Variants in CADM2 observed in about 807,000 individuals in gnomAD.
CADM2 encodes the protein cell adhesion molecule 2, also known as immunoglobulin superfamily member 4D.
Under a neutral mutation model 49.8 loss-of-function variants are expected in CADM2, and 12 were observed. The ratio of observed to expected loss-of-function variants is 0.24; its 90% confidence interval spans 0.15 to 0.39. The LOEUF (loss-of-function observed/expected upper bound fraction) is 0.39, where lower values mean the gene tolerates loss of function less well. Ranked by LOEUF, CADM2 falls within the 10% of genes least tolerant of loss-of-function variation. The pLI is 1.00. For synonymous variants in CADM2, 214 were observed against 175.4 expected, an observed-to-expected ratio of 1.22 and a Z score of -1.74; for missense variants, 378 against 492.3, an observed-to-expected ratio of 0.77 and a Z score of 2.20.
chr3:85,819,169 T>C (rs1351665877), intron 3 of CADM2, among the ~76,000 whole-genome samples: 2 of 152,192 alleles, frequency 1.3e-5, no homozygotes, highest in African/African-American at 4.8e-5. Context: ...GCATTCCGCA[T>C]GGGAAGAAGA....
At chr3:85,474,277 C>G (rs1026015067) in intron 1 of CADM2, among the ~76,000 whole-genome samples, 1 of 151,604 alleles carries the variant, frequency 6.6e-6, no homozygotes, top group African/African-American at 2.4e-5. Context: ...AGGCTAGAGA[C>G]CTAGGTAAGT....
chr3:85,589,925 T>C (rs1052949156), intron 1 of CADM2, among the ~76,000 whole-genome samples: 12 of 151,956 alleles, frequency 7.9e-5, no homozygotes, highest in African/African-American at 2.9e-4. Context: ...AAAATGCCAA[T>C]TGGTTAACCA....
chr3:86,038,496 A>G (rs891534973), intron 8 of CADM2, among the ~76,000 whole-genome samples: 18 of 152,168 alleles, frequency 1.2e-4, no homozygotes, highest in Non-Finnish European at 2.4e-4. Flanking sequence ...CTTGTTTGCT[A>G]ACTCCTTCGA....
chr3:85,080,043 C>T (rs1217092928), intron 1 of CADM2, among the ~76,000 whole-genome samples: 1 of 151,910 alleles, frequency 6.6e-6, no homozygotes, highest in Non-Finnish European at 1.5e-5. Flanking sequence ...AGAAAAAAAA[C>T]TTCTTAAATA....
At chr3:85,485,863 T>C (rs2039394190) in intron 1 of CADM2, among the ~76,000 whole-genome samples, 2 of 152,074 alleles carry the variant, frequency 1.3e-5, no homozygotes, top group African/African-American at 4.8e-5. Flanking sequence ...AAAAAGATGA[T>C]GAGTATGTGG....
intron 1 of CADM2, among the ~76,000 whole-genome samples, chr3:85,204,156 T>C (rs1203058654): frequency 6.6e-6 from 1 of 152,224 alleles, no homozygotes; most frequent in Non-Finnish European, 1.5e-5. Context: ...TTTCATTGTT[T>C]TTAAAAATTT....
At chr3:85,361,908 A>G (rs1192632570) in intron 1 of CADM2, among the ~76,000 whole-genome samples, 1 of 152,198 alleles carries the variant, frequency 6.6e-6, no homozygotes, top group African/African-American at 2.4e-5. Flanking sequence ...TGACTTAAGG[A>G]AGCAAGACAT....
intron 1 of CADM2, among the ~76,000 whole-genome samples, chr3:85,012,543 A>T (rs983185622): frequency 6.7e-6 from 1 of 150,000 alleles, no homozygotes; most frequent in African/African-American, 2.4e-5. Flanking sequence ...ATGTTTAATT[A>T]TTTAAAATAG....
At chr3:85,533,545 G>A (rs530247048) in intron 1 of CADM2, among the ~76,000 whole-genome samples, 64 of 152,194 alleles carry the variant, frequency 4.2e-4, no homozygotes, top group Admixed American at 9.2e-4. Flanking sequence ...TATTCAAATG[G>A]CAAGTGTCAT....
intron 8 of CADM2, among the ~76,000 whole-genome samples, chr3:85,995,872 G>A (rs558870887): frequency 6.6e-6 from 1 of 151,996 alleles, no homozygotes; most frequent in South Asian, 2.1e-4. Context: ...GGTGGATCAC[G>A]AGGTCAGGAG....
chr3:85,020,010 A>G (rs1443456583), intron 1 of CADM2, among the ~76,000 whole-genome samples: 1 of 152,198 alleles, frequency 6.6e-6, no homozygotes, highest in Non-Finnish European at 1.5e-5. Context: ...TTTTATCTTC[A>G]TATGATATGA....
chr3:86,019,983 C>T (rs2107021439), intron 8 of CADM2, among the ~76,000 whole-genome samples: 1 of 152,118 alleles, frequency 6.6e-6, no homozygotes, highest in Admixed American at 6.6e-5. Flanking sequence ...CAAGAAATAA[C>T]TAAAATCAGA....
chr3:85,592,160 A>G (rs1356078414), intron 1 of CADM2, among the ~76,000 whole-genome samples: 1 of 152,044 alleles, frequency 6.6e-6, no homozygotes, highest in Admixed American at 6.6e-5. Context: ...ATATTAATAT[A>G]ACAAGATGGA....
At chr3:85,088,548 G>C (rs759023565) in intron 1 of CADM2, among the ~76,000 whole-genome samples, 2 of 152,032 alleles carry the variant, frequency 1.3e-5, no homozygotes, top group Non-Finnish European at 2.9e-5. Context: ...AAGAGAGTAA[G>C]AGCAGAATAA....
rs1441828774 is a variant in CADM2 at position 86,033,754 on chromosome 3, T to C, written c.971-31851T>C. On this transcript the variant is annotated intron_variant, in intron 8 of 9. Coordinates refer to ENST00000383699, the MANE Select transcript of CADM2 (RefSeq NM_001167675.2). ...AGTGGATCAGAAGCCCATAAAGAAA[T>C]ATATATATATACACATTAATTATAT... Among the ~76,000 whole-genome samples the C allele has an allele frequency of 2.7e-5, 4 of 145,982 alleles. 1 individual carries two copies. The East Asian group carries it at 7.8e-4, about 29-fold the overall frequency.
chr3:85,518,520 T>C (rs1408010388), intron 1 of CADM2, among the ~76,000 whole-genome samples: 1 of 152,104 alleles, frequency 6.6e-6, no homozygotes, highest in Admixed American at 6.6e-5. Context: ...ATTGTTTATA[T>C]GAGCAAAAAT....
At chr3:86,001,150 A>G (rs774247242) in intron 8 of CADM2, among the ~76,000 whole-genome samples, 4 of 152,162 alleles carry the variant, frequency 2.6e-5, no homozygotes, top group African/African-American at 9.7e-5. Context: ...CCAGCCAACC[A>G]AACTTAATGG....
chr3:85,432,550 G>A (rs2036730117), intron 1 of CADM2, among the ~76,000 whole-genome samples: 1 of 151,986 alleles, frequency 6.6e-6, no homozygotes, highest in Non-Finnish European at 1.5e-5. Flanking sequence ...GCAATTAGAG[G>A]TCATCATTTC....
Position 85,515,610 on chromosome 3 carries a change from A to AATATAT in CADM2, c.62-210895_62-210890dup, listed in dbSNP as rs200627018. 2.5e-3 allele frequency among the ~76,000 whole-genome samples: 281 copies of AATATAT among 113,282 alleles called. 2 individuals carry two copies. The highest frequency in any genetic ancestry group is 9.2e-3 in the South Asian group (33 of 3,602). 74.3% of individuals were successfully genotyped at this position (113,282 alleles called of 152,430 possible). ...ACAGGAGAGTGCCACCACGCCCACT[A>AATATAT]ATATATATATATATATATATATTTT... On this transcript the variant is annotated intron_variant, in intron 1 of 9. Coordinates refer to ENST00000383699, the MANE Select transcript of CADM2 (RefSeq NM_001167675.2).
Sources: gnomAD v4.1 joint callset for allele counts (sites outside exome capture counted in the v4.1 genomes callset) on GRCh38, gnomAD v4.1.1 for gene constraint, MANE v1.5 for transcripts, NCBI Gene and HGNC (gene_info 2026-07-23, HGNC 2026-07-21) for gene names.